The following ARHGAP31 variants were observed in gnomAD, a reference collection of about 807,000 sequenced individuals.
ARHGAP31 encodes the protein rho GTPase-activating protein 31.
Under a neutral mutation model 113.9 loss-of-function variants are expected in ARHGAP31, and 34 were observed. The ratio of observed to expected loss-of-function variants is 0.30; its 90% CI spans 0.23 to 0.40. ARHGAP31 has a LOEUF of 0.40. Among genes scored for constraint, ARHGAP31 ranks in the 10% least tolerant of loss-of-function variants. The pLI, the probability that ARHGAP31 is intolerant of heterozygous loss-of-function variation, is 1.00. For synonymous variants in ARHGAP31, 650 were observed against 684.8 expected, an observed-to-expected ratio of 0.95 and a Z score of 0.79; for missense variants, 1,548 against 1,767.1, an observed-to-expected ratio of 0.88 and a Z score of 2.22.
rs1427672939 is a variant in ARHGAP31 at position 119,420,203 on chromosome 3, C to T, written c.*3939C>T. The T allele has an allele frequency of 6.6e-6, 1 of 152,238 alleles. No homozygotes were observed. The highest frequency in any genetic ancestry group is 1.5e-5 in the Non-Finnish European group (1 of 68,072). The allele number at this position is 152,238 out of a possible 1,614,324, so 9.4% of individuals were successfully genotyped here. ...GAAGTTCTCAGTAAGTCCAGTCCCA[C>T]CAGGATTTATTTGGGCCACATTCTA... On this transcript the variant is annotated 3_prime_UTR_variant, in exon 12 of 12. Coordinates refer to ENST00000264245, the MANE Select transcript of ARHGAP31 (RefSeq NM_020754.4).
chr3:119,416,103 T>G lies in ARHGAP31; in HGVS notation c.4174T>G (p.Leu1392Val), dbSNP rs1375196036. The change falls in exon 12 of 12, where the codon TTG (leucine) becomes GTG (valine). Residue 1392 changes from leucine (L) to valine (V), a missense_variant. Transcript: ENST00000264245. ...TVSPGLLCGE[L>V]AENTWVTPEG... ...TTCCCCTGGCCTTCTTTGTGGAGAG[T>G]TGGCAGAAAACACATGGGTCACACC... is the stretch of plus-strand genomic sequence containing the variant. The G allele has an allele frequency of 6.2e-7, 1 of 1,614,076 alleles. No individual in the cohort carries two copies. Among genetic ancestry groups the G allele is most frequent in the East Asian group, 2.2e-5 (1 of 44,880 alleles).
At chr3:119,371,207 G>A (rs2080294099) in intron 3 of ARHGAP31, among the ~76,000 whole-genome samples, 1 of 152,166 alleles carries the variant, frequency 6.6e-6, no homozygotes, top group East Asian at 1.9e-4. Flanking sequence ...ATTATAGTTG[G>A]GGGTAGATAG....
Position 119,414,923 on chromosome 3 carries a change from A to T in ARHGAP31, c.2994A>T (p.Gly998=). The change falls in exon 12 of 12, where the codon GGA becomes GGT. Residue 998 remains glycine (G), a synonymous_variant. Transcript: ENST00000264245. ...QPQAPRREIT[G]WDEKALRSFR... is the part of the protein sequence containing the mutation. Reference sequence around the variant, plus strand: ...AGGCACCCAGGAGAGAGATTACTGGATGGGATGAGAAAGCCCTGAGGTCCT... The same window carrying T: ...AGGCACCCAGGAGAGAGATTACTGGTTGGGATGAGAAAGCCCTGAGGTCCT... 6.2e-7 allele frequency: 1 copy of T among 1,614,162 alleles called. No individual in the cohort carries two copies. Among genetic ancestry groups the T allele is most frequent in the Non-Finnish European group, 8.5e-7 (1 of 1,179,972 alleles).
intron 1 of ARHGAP31, among the ~76,000 whole-genome samples, chr3:119,309,681 G>A (rs2079661765): frequency 6.6e-6 from 1 of 152,062 alleles, no homozygotes; most frequent in Admixed American, 6.6e-5. Flanking sequence ...GATTGCTTGA[G>A]CCCAGGAGGT....
intron 1 of ARHGAP31, among the ~76,000 whole-genome samples, chr3:119,319,548 G>C (rs997653244): frequency 6.6e-6 from 1 of 152,092 alleles, no homozygotes; most frequent in Non-Finnish European, 1.5e-5. Flanking sequence ...CTTCCATCTA[G>C]ATGCCAACAC....
chr3:119,382,344 A>G lies in ARHGAP31; in HGVS notation c.484A>G (p.Lys162Glu). 1 of 1,614,188 alleles carries G rather than the reference A, an allele frequency of 6.2e-7. No individual in the cohort carries two copies. The highest frequency in any genetic ancestry group is 8.5e-7 in the Non-Finnish European group (1 of 1,180,026). ...HLAHIASFSSKTNMHARNLAL... is the reference protein window; with the variant it reads ...HLAHIASFSSETNMHARNLAL... ...GGCCCATATCGCCTCCTTCAGCAGCAAGACCAACATGCACGCCCGGAACCT... is the reference window on the plus strand; with the variant it reads ...GGCCCATATCGCCTCCTTCAGCAGCGAGACCAACATGCACGCCCGGAACCT... Residue 162 changes from lysine (K) to glutamate (E), a missense_variant, in exon 5 of 12, where the codon AAG becomes GAG. Physicochemically the swap from Lys to Glu is moderately conservative, Grantham distance 56 (BLOSUM62 1). Transcript: ENST00000264245.
At chr3:119,390,506 G>A (rs1245446710) in intron 6 of ARHGAP31, among the ~76,000 whole-genome samples, 2 of 152,230 alleles carry the variant, frequency 1.3e-5, no homozygotes, top group African/African-American at 4.8e-5. Flanking sequence ...GTTTGTTATA[G>A]GAATGAATGA....
At chr3:119,311,480 T>C (rs1017860307) in intron 1 of ARHGAP31, among the ~76,000 whole-genome samples, 1 of 152,222 alleles carries the variant, frequency 6.6e-6, no homozygotes, top group African/African-American at 2.4e-5. Context: ...GATCTTTAAT[T>C]TGATAACATC....
intron 1 of ARHGAP31, among the ~76,000 whole-genome samples, chr3:119,327,169 C>CA (rs972723351): frequency 5.3e-5 from 8 of 150,584 alleles, no homozygotes; most frequent in Admixed American, 3.3e-4. Flanking sequence ...AAAACCACAG[C>CA]AAAAAAAACT....
At chr3:119,363,047 A>G (rs1178519054) in intron 1 of ARHGAP31, among the ~76,000 whole-genome samples, 2 of 152,228 alleles carry the variant, frequency 1.3e-5, no homozygotes, top group Non-Finnish European at 2.9e-5. Context: ...ACACACACGG[A>G]AACTAAGAAA....
intron 1 of ARHGAP31, among the ~76,000 whole-genome samples, chr3:119,316,656 AG>A (rs1255898720): frequency 6.6e-6 from 1 of 152,246 alleles, no homozygotes; most frequent in Non-Finnish European, 1.5e-5. Flanking sequence ...CTTATTTTAA[AG>A]GATGGTTAAG....
chr3:119,333,725 C>G (rs1269102975), intron 1 of ARHGAP31, among the ~76,000 whole-genome samples: 2 of 152,192 alleles, frequency 1.3e-5, no homozygotes, highest in African/African-American at 4.8e-5. Context: ...AGAACAGAAG[C>G]AGGATAGAAC....
chr3:119,409,465 C>T, intron 10 of ARHGAP31, 31 bp from the exon 11 acceptor site: 2 of 1,613,482 alleles, frequency 1.2e-6, no homozygotes, highest in Non-Finnish European at 8.5e-7. Context: ...ATGAAGTCTC[C>T]TTTAACTGAT....
intron 1 of ARHGAP31, among the ~76,000 whole-genome samples, chr3:119,313,894 T>C (rs2079705794): frequency 6.6e-6 from 1 of 152,254 alleles, no homozygotes; most frequent in Admixed American, 6.5e-5. Context: ...AAAACATTTA[T>C]ATCCATAGAT....
In ARHGAP31 at chr3:119,330,331, G is replaced by A. The variant is rs964162760; in HGVS notation, c.101-34985G>A. On this transcript the variant is annotated intron_variant, in intron 1 of 11. Transcript: ENST00000264245. ...GGGTGATGCCATCAGCTCAGTGTGC[G>A]GGCATCATAGGAAAAACCAGCCATC... is the stretch of plus-strand genomic sequence containing the variant. 5.3e-5 allele frequency among the ~76,000 whole-genome samples: 8 copies of A among 152,252 alleles called. No homozygotes were observed. In the South Asian group the frequency reaches 6.2e-4, roughly 12 times the overall value.
intron 2 of ARHGAP31, among the ~76,000 whole-genome samples, chr3:119,367,212 G>A (rs2080258288): frequency 6.6e-6 from 1 of 152,170 alleles, no homozygotes; most frequent in Admixed American, 6.5e-5. Context: ...CCAGAAAACA[G>A]GAGAATGGGC....
At chr3:119,306,684 C>T (rs1262636809) in intron 1 of ARHGAP31, among the ~76,000 whole-genome samples, 1 of 152,184 alleles carries the variant, frequency 6.6e-6, no homozygotes, top group Non-Finnish European at 1.5e-5. Flanking sequence ...TGCTGCAAGT[C>T]AGGATTCTGA....
At chr3:119,321,480 T>C (rs2079785032) in intron 1 of ARHGAP31, among the ~76,000 whole-genome samples, 1 of 150,258 alleles carries the variant, frequency 6.7e-6, no homozygotes, top group Admixed American at 6.6e-5. Flanking sequence ...TGTAACATTT[T>C]GGTGGATTTC....
At chr3:119,313,517 C>G (rs1032514354) in intron 1 of ARHGAP31, among the ~76,000 whole-genome samples, 1 of 152,100 alleles carries the variant, frequency 6.6e-6, no homozygotes, top group Non-Finnish European at 1.5e-5. Context: ...GCTGAACGAA[C>G]GAGGGTAGAA....
Sources: allele counts gnomAD v4.1 joint callset (sites outside exome capture counted in the v4.1 genomes callset), GRCh38; gene constraint gnomAD v4.1.1; transcripts MANE v1.5; gene names NCBI Gene and HGNC (gene_info 2026-07-23, HGNC 2026-07-21).